Variants in SND1 observed in about 807,000 individuals in gnomAD.
The protein encoded by SND1 is staphylococcal nuclease domain-containing protein 1.
In SND1, 38 loss-of-function variants were observed where a neutral mutation model predicts 121.7. That is an observed-to-expected ratio of 0.31 (90% confidence interval 0.24 to 0.41). SND1 has a LOEUF of 0.41. SND1 is among the 10% of genes least tolerant of loss of function. The pLI is 1.00. For synonymous variants in SND1, 401 were observed against 447.4 expected (o/e 0.90, Z 1.31); for missense variants, 868 against 1,184.6 (o/e 0.73, Z 3.92).
At chr7:127,676,844 C>T (rs1235836480) in intron 1 of SND1, among the ~76,000 whole-genome samples, 4 of 152,152 alleles carry the variant, frequency 2.6e-5, no homozygotes, top group East Asian at 1.9e-4. Context: ...TGGGTTCAAG[C>T]GATTCTCCTG....
intron 12 of SND1, among the ~76,000 whole-genome samples, chr7:127,845,059 G>A (rs983900906): frequency 2.6e-5 from 4 of 152,208 alleles, no homozygotes; most frequent in Non-Finnish European, 5.9e-5. Context: ...TATGGTAATT[G>A]TCTCCTTTTC....
intron 10 of SND1, among the ~76,000 whole-genome samples, chr7:127,792,137 A>G (rs1012277707): frequency 6.6e-6 from 1 of 152,182 alleles, no homozygotes; most frequent in Admixed American, 6.5e-5. Context: ...CAATTGTTGA[A>G]TCTTGTGAGC....
chr7:127,946,172 G>T (rs1801325739), intron 15 of SND1, among the ~76,000 whole-genome samples: 1 of 152,186 alleles, frequency 6.6e-6, no homozygotes, highest in Admixed American at 6.5e-5. Context: ...TTGTTTGGGG[G>T]TTTGGATTTG....
intron 8 of SND1, among the ~76,000 whole-genome samples, chr7:127,706,505 G>A (rs1033955889): frequency 3.3e-5 from 5 of 151,970 alleles, no homozygotes; most frequent in Admixed American, 6.6e-5. Flanking sequence ...TGATCCGCCC[G>A]CCTTGGCCTC....
chr7:127,875,976 A>G (rs1799681897), intron 12 of SND1, among the ~76,000 whole-genome samples: 1 of 152,142 alleles, frequency 6.6e-6, no homozygotes, highest in Non-Finnish European at 1.5e-5. Flanking sequence ...TTTGTAAAAT[A>G]GGGAATAATA....
chr7:127,703,350 G>T (rs1338128934), intron 7 of SND1, 27 bp downstream of exon 7: 1 of 1,611,752 alleles, frequency 6.2e-7, no homozygotes, highest in Admixed American at 1.7e-5. Context: ...AGACTGGGTG[G>T]TGATGGGCTA....
At chr7:128,072,651 G>A (rs939994109) in intron 16 of SND1, among the ~76,000 whole-genome samples, 21 of 152,044 alleles carry the variant, frequency 1.4e-4, no homozygotes, top group Non-Finnish European at 2.6e-4. Context: ...CACAGGTCTT[G>A]TCCACCCCTA....
intron 8 of SND1, among the ~76,000 whole-genome samples, chr7:127,706,241 C>T (rs1796193752): frequency 2.0e-5 from 2 of 100,438 alleles, no homozygotes; most frequent in African/African-American, 4.2e-5. Context: ...TCTTTAATTT[C>T]TTGCCCCCCC....
At chr7:127,929,671 A>G (rs956549842) in intron 15 of SND1, among the ~76,000 whole-genome samples, 3 of 152,202 alleles carry the variant, frequency 2.0e-5, no homozygotes, top group African/African-American at 7.2e-5. Context: ...CACTTGAAAC[A>G]GACTGCCCAT....
intron 13 of SND1, among the ~76,000 whole-genome samples, chr7:127,894,427 T>C (rs1800078075): frequency 6.6e-6 from 1 of 151,994 alleles, no homozygotes; most frequent in Admixed American, 6.6e-5. Flanking sequence ...TGGTCCTTCA[T>C]ATCTGTGTCT....
At chr7:127,661,212 G>A (rs759303809) in intron 1 of SND1, among the ~76,000 whole-genome samples, 8 of 152,080 alleles carry the variant, frequency 5.3e-5, no homozygotes, top group Admixed American at 1.3e-4. Context: ...GGGTCCTCAG[G>A]GTCCACTTAT....
intron 2 of SND1, among the ~76,000 whole-genome samples, chr7:127,691,655 C>T (rs1038934460): frequency 1.8e-4 from 27 of 151,982 alleles, no homozygotes; most frequent in African/African-American, 3.9e-4. Flanking sequence ...CTTTGTCGCC[C>T]GGGCTGGAGT....
intron 16 of SND1, chr7:128,026,941 T>G (rs1197305510): frequency 1.0e-5 from 1 of 98,684 alleles, no homozygotes; most frequent in Non-Finnish European, 2.0e-5. Context: ...TGAAAATAAT[T>G]TAACATTTGT....
intron 12 of SND1, among the ~76,000 whole-genome samples, chr7:127,851,306 T>C (rs1799161780): frequency 6.6e-6 from 1 of 152,234 alleles, no homozygotes; most frequent in Admixed American, 6.5e-5. Context: ...CCCTTGTCAG[T>C]TTCCCAAAGT....
intron 15 of SND1, among the ~76,000 whole-genome samples, chr7:127,984,783 A>T (rs1052895133): frequency 9.9e-5 from 15 of 152,202 alleles, no homozygotes; most frequent in African/African-American, 3.6e-4. Flanking sequence ...AGGAATATCC[A>T]TGAAAATCTA....
In SND1 at chr7:128,074,700, G is replaced by A; in HGVS notation, c.1968+10G>A. 6.2e-7 allele frequency: 1 copy of A among 1,602,086 alleles called. No individual in the cohort carries two copies. Among genetic ancestry groups the A allele is most frequent in the Middle Eastern group, 1.7e-4 (1 of 6,044 alleles). ...GCAGAAGAAAGAGAAGGTACATGTG[G>A]CAGCCCAGCTGTGCTCTCCCTGCCC... On this transcript the variant is annotated intron_variant, in intron 17 of 23. Transcript: ENST00000354725.
intron 15 of SND1, among the ~76,000 whole-genome samples, chr7:127,933,621 A>G (rs1800997252): frequency 6.6e-6 from 1 of 152,198 alleles, no homozygotes; most frequent in Non-Finnish European, 1.5e-5. Context: ...TGATTGTCGC[A>G]GTTTAATGAG....
chr7:127,692,036 C>T lies in SND1; in HGVS notation c.229-2792C>T, dbSNP rs763744522. Among the ~76,000 whole-genome samples the T allele has an allele frequency of 5.9e-5, 9 of 152,044 alleles. No individual in the cohort carries two copies. The South Asian group carries it at 8.3e-4, about 14-fold the overall frequency. On this transcript the variant is annotated intron_variant, in intron 2 of 23. Coordinates refer to ENST00000354725, the MANE Select transcript of SND1 (RefSeq NM_014390.4). ...GAGGACTGGGGTAGCTGGGGAAAGA[C>T]GGCAGAGCAGGATTATCAGTTACAT...
At chr7:127,730,214 G>A (rs1249855414) in intron 10 of SND1, among the ~76,000 whole-genome samples, 1 of 152,136 alleles carries the variant, frequency 6.6e-6, no homozygotes, top group Non-Finnish European at 1.5e-5. Flanking sequence ...TGATCCACCC[G>A]CCCCGGCTTC....
Sources: gnomAD v4.1 joint callset for allele counts (sites outside exome capture counted in the v4.1 genomes callset) on GRCh38, gnomAD v4.1.1 for gene constraint, MANE v1.5 for transcripts, NCBI Gene and HGNC (gene_info 2026-07-23, HGNC 2026-07-21) for gene names.